The following GMDS variants were observed in gnomAD, a reference collection of about 807,000 sequenced individuals.
GMDS encodes GDP-mannose 4,6 dehydratase.
Under a neutral mutation model 49.9 loss-of-function variants are expected in GMDS, and 20 were observed. The ratio of observed to expected loss-of-function variants is 0.40; its 90% CI spans 0.28 to 0.58. The LOEUF (loss-of-function observed/expected upper bound fraction) is 0.58, where lower values mean the gene tolerates loss of function less well. Ranked by LOEUF, GMDS falls within the 20% of genes least tolerant of loss-of-function variation. GMDS has a pLI of 0.42. For synonymous variants in GMDS, 177 were observed against 178.6 expected (o/e 0.99, Z 0.07); for missense variants, 362 against 481.4 (o/e 0.75, Z 2.32).
At chr6:1,704,908 A>G (rs1765679340) in intron 9 of GMDS, among the ~76,000 whole-genome samples, 1 of 152,152 alleles carries the variant, frequency 6.6e-6, no homozygotes, top group Non-Finnish European at 1.5e-5. Context: ...TGTTCTTCCT[A>G]AAAAGTACCT....
intron 4 of GMDS, among the ~76,000 whole-genome samples, chr6:2,015,270 T>A (rs868786936): frequency 3.3e-5 from 5 of 152,062 alleles, no homozygotes; most frequent in Non-Finnish European, 7.4e-5. Context: ...ACATAAAACA[T>A]TTACTAAGAT....
intron 4 of GMDS, among the ~76,000 whole-genome samples, chr6:2,030,438 A>C (rs1364303202): frequency 1.3e-5 from 2 of 152,284 alleles, no homozygotes; most frequent in Non-Finnish European, 2.9e-5. Context: ...GGAGCACACA[A>C]CTTCCAATGT....
At chr6:1,864,800 C>G (rs1008084324) in intron 7 of GMDS, among the ~76,000 whole-genome samples, 4 of 152,200 alleles carry the variant, frequency 2.6e-5, no homozygotes, top group Non-Finnish European at 5.9e-5. Flanking sequence ...AGCTGAGCAG[C>G]AAACACCCGA....
intron 7 of GMDS, among the ~76,000 whole-genome samples, chr6:1,862,391 G>A (rs1460598684): frequency 6.6e-6 from 1 of 152,006 alleles, no homozygotes; most frequent in Non-Finnish European, 1.5e-5. Flanking sequence ...GCACAGCTTC[G>A]AATCCGGGGG....
intron 4 of GMDS, among the ~76,000 whole-genome samples, chr6:2,028,851 T>C (rs1425758785): frequency 1.3e-5 from 2 of 152,190 alleles, no homozygotes; most frequent in Admixed American, 1.3e-4. Flanking sequence ...AACGACTATA[T>C]TCCAGTTAAC....
chr6:1,701,122 GC>G (rs963878882), intron 9 of GMDS, among the ~76,000 whole-genome samples: 9 of 152,098 alleles, frequency 5.9e-5, no homozygotes, highest in Admixed American at 4.6e-4. Context: ...AAACCCATTT[GC>G]CCTCCTTCAT....
At chr6:1,819,776 A>AAT (rs397742149) in intron 7 of GMDS, among the ~76,000 whole-genome samples, 14,275 of 102,836 alleles carry the variant, frequency 0.14, 1,160 homozygotes, top group Admixed American at 0.2. Context: ...AAAAAAAAAA[A>AAT]ATATATATAT....
chr6:2,103,492 T>A (rs1437572768), intron 4 of GMDS, among the ~76,000 whole-genome samples: 1 of 151,858 alleles, frequency 6.6e-6, no homozygotes, highest in African/African-American at 2.4e-5. Flanking sequence ...AGAAAAAAAA[T>A]AGAGGGTAGG....
rs142565259 is a variant in GMDS, at chr6:1,714,796, C to G, written c.987+11620G>C. 4.9e-3 allele frequency among the ~76,000 whole-genome samples: 748 copies of G among 152,392 alleles called. 8 individuals carry two copies. The highest frequency in any genetic ancestry group is 0.016 in the African/African-American group (684 of 41,598). The stretch of plus-strand genomic sequence containing the variant: ...TTTTGCATATGCATTATTGTTGATG[C>G]TGTCTGCCAAGACTTCAAGATACTA... On this transcript the variant is annotated intron_variant, in intron 9 of 10. Transcript: ENST00000380815.
intron 4 of GMDS, among the ~76,000 whole-genome samples, chr6:1,985,330 C>T (rs1424264411): frequency 1.3e-5 from 2 of 152,018 alleles, no homozygotes; most frequent in African/African-American, 4.8e-5. Context: ...ATTAACCATA[C>T]GGGATAAGAA....
chr6:2,164,835 G>T (rs979056011), intron 1 of GMDS, among the ~76,000 whole-genome samples: 2 of 152,188 alleles, frequency 1.3e-5, no homozygotes, highest in African/African-American at 2.4e-5. Context: ...TGTTTGAGCT[G>T]GAAAATAAAA....
chr6:2,128,394 C>G (rs1342274469), intron 1 of GMDS, among the ~76,000 whole-genome samples: 1 of 152,092 alleles, frequency 6.6e-6, no homozygotes, highest in Non-Finnish European at 1.5e-5. Context: ...AGGCTGTTCT[C>G]AAACCCCTGA....
intron 7 of GMDS, among the ~76,000 whole-genome samples, chr6:1,839,979 T>A (rs928580329): frequency 7.2e-5 from 11 of 152,204 alleles, no homozygotes; most frequent in Non-Finnish European, 1.3e-4. Context: ...TGAGGTATGA[T>A]TTGGGAAGTG....
chr6:1,693,673 A>G (rs776673706), intron 9 of GMDS, among the ~76,000 whole-genome samples: 5 of 152,302 alleles, frequency 3.3e-5, no homozygotes, highest in Non-Finnish European at 7.3e-5. Context: ...TCTTAATGCT[A>G]GTGTTTAGTA....
chr6:2,069,574 A>G (rs1771848803), intron 4 of GMDS, among the ~76,000 whole-genome samples: 1 of 152,170 alleles, frequency 6.6e-6, no homozygotes, highest in South Asian at 2.1e-4. Context: ...TTTACAAGAA[A>G]AAAACAAACA....
intron 7 of GMDS, among the ~76,000 whole-genome samples, chr6:1,777,229 C>A (rs577816070): frequency 1.3e-5 from 2 of 152,246 alleles, no homozygotes; most frequent in African/African-American, 4.8e-5. Flanking sequence ...AGGGGAGACG[C>A]GCTGCTGCGC....
At chr6:1,703,324 A>G (rs1416621001) in intron 9 of GMDS, among the ~76,000 whole-genome samples, 4 of 152,066 alleles carry the variant, frequency 2.6e-5, no homozygotes. Flanking sequence ...ATAGTTTGTA[A>G]ATATTCTTAA....
chr6:2,207,581 G>A (rs1779859296), intron 1 of GMDS, among the ~76,000 whole-genome samples: 2 of 151,998 alleles, frequency 1.3e-5, no homozygotes, highest in Non-Finnish European at 2.9e-5. Context: ...TACAAAATCT[G>A]TATTGGATTC....
intron 7 of GMDS, among the ~76,000 whole-genome samples, chr6:1,884,507 G>C (rs1224161221): frequency 1.3e-5 from 2 of 152,212 alleles, no homozygotes; most frequent in Middle Eastern, 3.2e-3. Flanking sequence ...AAATATGGTG[G>C]GGAATGTGAA....
Sources: allele counts gnomAD v4.1 joint callset (sites outside exome capture counted in the v4.1 genomes callset), GRCh38; gene constraint gnomAD v4.1.1; transcripts MANE v1.5; gene names NCBI Gene and HGNC (gene_info 2026-07-23, HGNC 2026-07-21).